The following ARRB1 variants were observed in gnomAD, a reference collection of about 807,000 sequenced individuals.
The protein encoded by ARRB1 is arrestin beta 1.
Under a neutral mutation model 56.8 loss-of-function variants are expected in ARRB1, and 21 were observed. That is an observed-to-expected ratio of 0.37 (90% CI 0.26 to 0.53). The LOEUF is 0.53. Among genes scored for constraint, ARRB1 ranks in the 20% least tolerant of loss-of-function variants. The pLI, the probability that ARRB1 is intolerant of heterozygous loss-of-function variation, is 0.88. For missense variants in ARRB1, 424 were observed against 553.7 expected (o/e 0.77, Z 2.35); for synonymous variants, 210 against 218.6 (o/e 0.96, Z 0.35).
intron 3 of ARRB1, among the ~76,000 whole-genome samples, chr11:75,286,088 C>T (rs1164704912): frequency 6.6e-6 from 1 of 152,014 alleles, no homozygotes; most frequent in Non-Finnish European, 1.5e-5. Context: ...GCCCCCTGGC[C>T]CTGGGAGCCC....
At chr11:75,303,024 T>C (rs933983363) in intron 1 of ARRB1, among the ~76,000 whole-genome samples, 3 of 150,874 alleles carry the variant, frequency 2.0e-5, no homozygotes, top group Non-Finnish European at 4.4e-5. Context: ...TATTTGGAGA[T>C]GGAGTCTCGC....
At chr11:75,273,252 G>C (rs1399770650) in intron 11 of ARRB1, among the ~76,000 whole-genome samples, 1 of 152,204 alleles carries the variant, frequency 6.6e-6, no homozygotes, top group Admixed American at 6.5e-5. Context: ...TCCCCGCCAT[G>C]AGGGCCAGGC....
intron 1 of ARRB1, among the ~76,000 whole-genome samples, chr11:75,301,239 C>T (rs1946897988): frequency 6.6e-6 from 1 of 152,004 alleles, no homozygotes; most frequent in African/African-American, 2.4e-5. Context: ...CAGGCAGAGG[C>T]CTGGAGAGGG....
At chr11:75,320,951 T>C (rs80306703) in intron 1 of ARRB1, among the ~76,000 whole-genome samples, 16,019 of 151,964 alleles carry the variant, frequency 0.11, 1,086 homozygotes, top group African/African-American at 0.19. Context: ...CCATGGGAGC[T>C]GAGCAATAGG....
intron 2 of ARRB1, 85 bp downstream of exon 2, chr11:75,289,924 G>C (rs781093937): frequency 6.3e-7 from 1 of 1,590,632 alleles, no homozygotes. Context: ...CATTTCAGGG[G>C]ACATGCCGTT....
intron 1 of ARRB1, among the ~76,000 whole-genome samples, chr11:75,313,449 G>A (rs1490794593): frequency 6.6e-6 from 1 of 152,230 alleles, no homozygotes; most frequent in Non-Finnish European, 1.5e-5. Context: ...CTTCAGGCTA[G>A]GGGGAGAGTC....
intron 1 of ARRB1, among the ~76,000 whole-genome samples, chr11:75,319,437 C>T (rs1414242273): frequency 6.6e-6 from 1 of 152,260 alleles, no homozygotes; most frequent in Non-Finnish European, 1.5e-5. Flanking sequence ...TCTGACCACA[C>T]TGTTTCAGAC....
chr11:75,310,383 T>C (rs747889396), intron 1 of ARRB1, among the ~76,000 whole-genome samples: 1 of 152,176 alleles, frequency 6.6e-6, no homozygotes, highest in Non-Finnish European at 1.5e-5. Context: ...TCCAGGGCCC[T>C]GCCTCTGTGG....
At chr11:75,306,822 G>C in intron 1 of ARRB1, 1 of 453,288 alleles carries the variant, frequency 2.2e-6, no homozygotes, top group South Asian at 2.0e-5. Context: ...ATGTCCCTGG[G>C]CTGGCAGCAC....
chr11:75,319,564 G>A lies in ARRB1; in HGVS notation c.21-29525C>T, dbSNP rs73490793. ...GAAGTGTTCCCTCAGCACCTTGTCC[G>A]TCCTCACTGCTCCATCAGGTCACCC... On this transcript the variant is annotated intron_variant, in intron 1 of 15. Transcript: ENST00000420843. 4.7e-3 allele frequency among the ~76,000 whole-genome samples: 720 copies of A among 152,272 alleles called. 2 individuals carry two copies. The highest frequency in any genetic ancestry group is 0.013 in the African/African-American group (531 of 41,552).
Position 75,267,922 on chromosome 11 carries a change from C to A in ARRB1, c.1094-219G>T, listed in dbSNP as rs564937532. Among the ~76,000 whole-genome samples, 12 of 152,368 alleles carry A rather than the reference C, an allele frequency of 7.9e-5. No homozygotes were observed. In the South Asian group the frequency reaches 2.3e-3, roughly 29 times the overall value. ...GCACCAGGAGGGCCCCGGATCCCCA[C>A]TGCAGCCCCAGAAGAACAGAAAATC... is the stretch of plus-strand genomic sequence containing the variant. On this transcript the variant is annotated intron_variant, in intron 14 of 15. Transcript: ENST00000420843.
intron 12 of ARRB1, 53 bp from the exon 13 acceptor site, chr11:75,271,777 A>G: frequency 6.5e-7 from 1 of 1,535,916 alleles, no homozygotes; most frequent in South Asian, 1.2e-5. Flanking sequence ...TTCAGAGAGG[A>G]AGAAAACAAA....
intron 1 of ARRB1, among the ~76,000 whole-genome samples, chr11:75,305,018 C>CTTTTTTT (rs35323331): frequency 8.4e-4 from 73 of 86,746 alleles, no homozygotes; most frequent in East Asian, 1.7e-3. Context: ...TTCTTTCTTT[C>CTTTTTTT]TTTTTTTTTT....
At chr11:75,312,522 G>A (rs1209489094) in intron 1 of ARRB1, among the ~76,000 whole-genome samples, 1 of 152,232 alleles carries the variant, frequency 6.6e-6, no homozygotes, top group African/African-American at 2.4e-5. Flanking sequence ...CAAGGTGTGT[G>A]TGGTAGGCTG....
At chr11:75,351,236 C>T (rs1403422327) in intron 1 of ARRB1, among the ~76,000 whole-genome samples, 16 of 152,214 alleles carry the variant, frequency 1.1e-4, no homozygotes, top group Admixed American at 1.3e-4. Context: ...TAGCGGTTGC[C>T]AGTGTGTGCG....
intron 1 of ARRB1, among the ~76,000 whole-genome samples, chr11:75,311,295 C>T (rs1054754085): frequency 3.9e-5 from 6 of 152,150 alleles, no homozygotes; most frequent in African/African-American, 9.7e-5. Context: ...GAGATGGTGC[C>T]GTTGCACTCC....
At chr11:75,271,764 G>C in intron 12 of ARRB1, 40 bp from the exon 13 acceptor site, 1 of 1,551,126 alleles carries the variant, frequency 6.4e-7, no homozygotes, top group Middle Eastern at 1.7e-4. Context: ...GGTCAGGAGA[G>C]AGTTCAGAGA....
chr11:75,269,025 T>C lies in ARRB1; in HGVS notation c.1023-66A>G, dbSNP rs746130744. Reference sequence around the variant, plus strand: ...CACAGGCTGTGAGACTTGATGTCGATGCCCTGTCAGTCCGAGGACTGCAGA... The same window carrying C: ...CACAGGCTGTGAGACTTGATGTCGACGCCCTGTCAGTCCGAGGACTGCAGA... On this transcript the variant is annotated intron_variant, in intron 13 of 15. Transcript: ENST00000420843. The C allele has an allele frequency of 3.4e-4, 521 of 1,540,406 alleles. 1 individual carries two copies. The highest frequency in any genetic ancestry group is 4.4e-4 in the Non-Finnish European group (492 of 1,123,054).
At chr11:75,281,262 C>A in intron 6 of ARRB1, 120 bp from the exon 7 acceptor site, 1 of 957,842 alleles carries the variant, frequency 1.0e-6, no homozygotes. Context: ...CTCCCACAGC[C>A]CAGCCTTCCT....
Sources: allele counts gnomAD v4.1 joint callset (sites outside exome capture counted in the v4.1 genomes callset), GRCh38; gene constraint gnomAD v4.1.1; transcripts MANE v1.5; gene names NCBI Gene and HGNC (gene_info 2026-07-23, HGNC 2026-07-21).